ABLIM1: variants seen among roughly 807,000 people sequenced by gnomAD.
ABLIM1 encodes actin-binding LIM protein 1.
ABLIM1 carries 40 observed loss-of-function variants against 107.0 expected under a neutral mutation model. The observed-to-expected ratio is 0.37, with a 90% confidence interval of 0.29 to 0.49. The LOEUF is 0.49. Ranked by LOEUF, ABLIM1 falls within the 20% of genes least tolerant of loss-of-function variation. The pLI is 0.97. For missense variants in ABLIM1, 857 were observed against 1,008.5 expected, an observed-to-expected ratio of 0.85 and a Z score of 2.04; for synonymous variants, 357 against 357.3, an observed-to-expected ratio of 1.00 and a Z score of 0.01.
chr10:114,632,871 T>C, intron 1 of ABLIM1: 6 of 817,188 alleles, frequency 7.3e-6, no homozygotes, highest in Non-Finnish European at 8.9e-6. Context: ...AGCCTAAGCC[T>C]GACCCCACAG....
At chr10:114,496,043 C>G (rs929022425) in intron 6 of ABLIM1, among the ~76,000 whole-genome samples, 1 of 152,220 alleles carries the variant, frequency 6.6e-6, no homozygotes, top group Non-Finnish European at 1.5e-5. Context: ...TAATAACTCT[C>G]TGCTCAGAGA....
intron 15 of ABLIM1, among the ~76,000 whole-genome samples, chr10:114,447,500 C>T (rs1046453808): frequency 6.6e-6 from 1 of 152,214 alleles, no homozygotes; most frequent in Non-Finnish European, 1.5e-5. Context: ...CTTCTACAAA[C>T]ATTCGGTAAA....
chr10:114,572,799 C>G (rs2071885872), intron 3 of ABLIM1, among the ~76,000 whole-genome samples: 1 of 152,230 alleles, frequency 6.6e-6, no homozygotes, highest in Non-Finnish European at 1.5e-5. Flanking sequence ...AGGATCCATT[C>G]AACACAACAC....
chr10:114,667,457 T>C (rs556497254), intron 1 of ABLIM1, among the ~76,000 whole-genome samples: 14 of 152,354 alleles, frequency 9.2e-5, no homozygotes, highest in African/African-American at 3.4e-4. Context: ...TAACCACTAG[T>C]AGGATACTAT....
intron 1 of ABLIM1, among the ~76,000 whole-genome samples, chr10:114,642,215 G>A (rs1427291574): frequency 6.6e-6 from 1 of 152,120 alleles, no homozygotes; most frequent in Non-Finnish European, 1.5e-5. Context: ...GTTGAGCAGA[G>A]AAAGTGGCAT....
intron 15 of ABLIM1, among the ~76,000 whole-genome samples, chr10:114,446,195 CATA>C (rs1257457987): frequency 3.9e-5 from 6 of 152,202 alleles, no homozygotes; most frequent in Non-Finnish European, 5.9e-5. Flanking sequence ...TTTAGAATTT[CATA>C]ATACTATCAC....
At chr10:114,449,347 C>A (rs2061505592) in intron 14 of ABLIM1, among the ~76,000 whole-genome samples, 2 of 152,294 alleles carry the variant, frequency 1.3e-5, no homozygotes, top group Admixed American at 1.3e-4. Context: ...CTGGAAATAA[C>A]CTTTTGAATC....
At chr10:114,533,593 A>G (rs2065669397) in intron 6 of ABLIM1, among the ~76,000 whole-genome samples, 1 of 152,100 alleles carries the variant, frequency 6.6e-6, no homozygotes, top group Non-Finnish European at 1.5e-5. Flanking sequence ...TCTCTCTTGA[A>G]CTCAGGACAT....
intron 4 of ABLIM1, among the ~76,000 whole-genome samples, chr10:114,558,384 A>G (rs557599208): frequency 6.6e-6 from 1 of 152,296 alleles, no homozygotes; most frequent in Non-Finnish European, 1.5e-5. Context: ...TTGTGGACTT[A>G]ATACCAACTC....
chr10:114,676,194 T>C (rs2080474061), intron 1 of ABLIM1, among the ~76,000 whole-genome samples: 4 of 152,002 alleles, frequency 2.6e-5, no homozygotes, highest in Admixed American at 1.3e-4. Flanking sequence ...GAAAAGAAAA[T>C]GTGACTGGGC....
At chr10:114,549,050 A>G (rs1390921253) in intron 4 of ABLIM1, among the ~76,000 whole-genome samples, 1 of 152,112 alleles carries the variant, frequency 6.6e-6, no homozygotes, top group Non-Finnish European at 1.5e-5. Flanking sequence ...ACAACACTTA[A>G]CCTAGAACTG....
intron 6 of ABLIM1, among the ~76,000 whole-genome samples, chr10:114,544,484 C>A (rs1211998651): frequency 6.6e-6 from 1 of 152,194 alleles, no homozygotes; most frequent in Non-Finnish European, 1.5e-5. Context: ...ACTTGACAGG[C>A]TTCAGCTCAG....
intron 1 of ABLIM1, among the ~76,000 whole-genome samples, chr10:114,656,533 G>A (rs757686859): frequency 7.2e-5 from 11 of 151,896 alleles, no homozygotes; most frequent in Non-Finnish European, 1.3e-4. Context: ...GTTCACACAC[G>A]CGTGTGTGAG....
intron 1 of ABLIM1, among the ~76,000 whole-genome samples, chr10:114,758,184 A>T (rs909094922): frequency 2.0e-5 from 3 of 152,054 alleles, no homozygotes; most frequent in African/African-American, 7.3e-5. Flanking sequence ...TACACCACCT[A>T]TCATATGTTT....
intron 1 of ABLIM1, among the ~76,000 whole-genome samples, chr10:114,634,123 A>ATTTTTTTTTTTTT (rs1209219359): frequency 2.1e-4 from 14 of 68,206 alleles, no homozygotes; most frequent in East Asian, 8.0e-4. Context: ...CATTAGCTCA[A>ATTTTTTTTTTTTT]TTTTTCTTTT....
chr10:114,489,311 C>G (rs2058622350), intron 7 of ABLIM1, among the ~76,000 whole-genome samples: 1 of 152,192 alleles, frequency 6.6e-6, no homozygotes. Context: ...GCCACCACAC[C>G]TGGCCAAAAT....
At chr10:114,745,020 C>A (rs1453310473) in intron 1 of ABLIM1, among the ~76,000 whole-genome samples, 1 of 152,106 alleles carries the variant, frequency 6.6e-6, no homozygotes, top group Non-Finnish European at 1.5e-5. Context: ...AACAGCACCA[C>A]AACCCCCGCT....
chr10:114,738,693 A>G (rs2082230139), intron 1 of ABLIM1, among the ~76,000 whole-genome samples: 1 of 152,180 alleles, frequency 6.6e-6, no homozygotes, highest in Non-Finnish European at 1.5e-5. Context: ...AGATAGTTTT[A>G]CTGTGCCTCA....
At chr10:114,503,744 C>G (rs1432216291) in intron 6 of ABLIM1, among the ~76,000 whole-genome samples, 1 of 152,142 alleles carries the variant, frequency 6.6e-6, no homozygotes, top group Non-Finnish European at 1.5e-5. Flanking sequence ...AATGGATTCT[C>G]AAAGTGTTTT....
Sources: allele counts gnomAD v4.1 joint callset (sites outside exome capture counted in the v4.1 genomes callset), GRCh38; gene constraint gnomAD v4.1.1; transcripts MANE v1.5; gene names NCBI Gene and HGNC (gene_info 2026-07-23, HGNC 2026-07-21).